The following IL17RA variants were observed in gnomAD, a reference collection of about 807,000 sequenced individuals.
IL17RA encodes the protein interleukin-17 receptor A.
IL17RA carries 34 observed loss-of-function variants against 50.4 expected under a neutral mutation model. The observed-to-expected ratio is 0.67, with a 90% CI of 0.51 to 0.90. The LOEUF is 0.90. Among genes scored for constraint, IL17RA ranks in the 40% least tolerant of loss-of-function variants. The pLI is 0.00. For synonymous variants in IL17RA, 585 were observed against 510.4 expected, an observed-to-expected ratio of 1.15 and a Z score of -1.97; for missense variants, 1,276 against 1,169.8, an observed-to-expected ratio of 1.09 and a Z score of -1.32.
intron 8 of IL17RA, among the ~76,000 whole-genome samples, chr22:17,103,778 C>T (rs1202128125): frequency 1.6e-5 from 2 of 126,210 alleles, no homozygotes; most frequent in South Asian, 2.7e-4. Flanking sequence ...GGAGTGTGCA[C>T]AGGTGGAGAG....
intron 8 of IL17RA, 122 bp from the exon 9 acceptor site, chr22:17,104,604 T>C (rs1233410768): frequency 2.3e-6 from 2 of 860,264 alleles, no homozygotes; most frequent in African/African-American, 1.7e-5. Flanking sequence ...AGGGAGATGA[T>C]GGTCACCTGG....
Position 17,111,561 on chromosome 22 carries a change from T to A in IL17RA, c.*1741T>A, listed in dbSNP as rs1461938454. 4 of 152,208 alleles carry A rather than the reference T, an allele frequency of 2.6e-5. No individual in the cohort carries two copies. The highest frequency in any genetic ancestry group is 2.6e-4 in the Admixed American group (4 of 15,284). 9.4% of individuals were successfully genotyped at this position (152,208 alleles called of 1,614,324 possible). A position where few individuals can be genotyped will look rare whatever the true frequency, so the allele number is the denominator to read the frequency against. ...CCTGAAGTACCTCCTGGGGGTAGGC[T>A]AGAGGCTTCTGGCTTCAGGGTCCTG... On this transcript the variant is annotated 3_prime_UTR_variant, in exon 13 of 13. Transcript: ENST00000319363.
intron 11 of IL17RA, among the ~76,000 whole-genome samples, chr22:17,106,732 A>T (rs1316958161): frequency 6.6e-6 from 1 of 152,102 alleles, no homozygotes; most frequent in African/African-American, 2.4e-5. Context: ...AATCATTATT[A>T]ATTATTATGT....
chr22:17,110,497 CAA>C lies in IL17RA; in HGVS notation c.*695_*696del, dbSNP rs35219112. On this transcript the variant is annotated 3_prime_UTR_variant, in exon 13 of 13. Transcript: ENST00000319363. ...TGGATGACAGAGCGAGACTCTATCT[CAA>C]AAAAAAAAAAAAAAAAAGATGGTCA... is the stretch of plus-strand genomic sequence containing the variant. 0.084 allele frequency: 9,667 copies of C among 115,532 alleles called. 566 individuals carry two copies. Among genetic ancestry groups the C allele is most frequent in the East Asian group, 0.33 (1,378 of 4,132 alleles). The allele number at this position is 115,532 out of a possible 1,614,324, so 7.2% of individuals were successfully genotyped here.
At chr22:17,099,384 G>GTT (rs1232961143) in intron 4 of IL17RA, among the ~76,000 whole-genome samples, 1 of 152,036 alleles carries the variant, frequency 6.6e-6, no homozygotes, top group Non-Finnish European at 1.5e-5. Context: ...GTTGATTCTT[G>GTT]TTTAAGTTTG....
intron 4 of IL17RA, 75 bp downstream of exon 4, chr22:17,098,962 C>A (rs907545136): frequency 2.4e-6 from 3 of 1,253,524 alleles, no homozygotes; most frequent in Non-Finnish European, 3.5e-6. Flanking sequence ...CAAATTCAGA[C>A]CCTGATTTAG....
In IL17RA at chr22:17,114,984, C is replaced by T. The variant is rs754485568; in HGVS notation, c.*5164C>T. 3 of 152,316 alleles carry T rather than the reference C, an allele frequency of 2.0e-5. No homozygotes were observed. Among genetic ancestry groups the T allele is most frequent in the Non-Finnish European group, 4.4e-5 (3 of 68,084 alleles). The allele number at this position is 152,316 out of a possible 1,614,324, so 9.4% of individuals were successfully genotyped here. ...ACAGTCAACCACGCGCTATATTTTCCTGTTCTTCCTTAGGGCAAGAACTGC... is the reference window on the plus strand; with the variant it reads ...ACAGTCAACCACGCGCTATATTTTCTTGTTCTTCCTTAGGGCAAGAACTGC... On this transcript the variant is annotated 3_prime_UTR_variant, in exon 13 of 13. Transcript: ENST00000319363.
rs2061427388 is a variant in IL17RA, at chr22:17,109,037, T to G, written c.1818T>G (p.Phe606Leu). 1 of 1,593,502 alleles carries G rather than the reference T, an allele frequency of 6.3e-7. No homozygotes were observed. Among genetic ancestry groups the G allele is most frequent in the Non-Finnish European group, 8.5e-7 (1 of 1,177,394 alleles). Reference protein sequence around the residue: ...QDAPSLDEEVFEEPLLPPGTG... With the variant: ...QDAPSLDEEVLEEPLLPPGTG... Reference sequence around the variant, plus strand: ...CCCCGTCCCTGGACGAAGAGGTGTTTGAGGAGCCACTGCTGCCTCCGGGAA... The same window carrying G: ...CCCCGTCCCTGGACGAAGAGGTGTTGGAGGAGCCACTGCTGCCTCCGGGAA... The change falls in exon 13 of 13, where the codon TTT becomes TTG. Residue 606 changes from phenylalanine (F) to leucine (L), a missense_variant. Coordinates refer to ENST00000319363, the MANE Select transcript of IL17RA (RefSeq NM_014339.7).
chr22:17,104,603 A>T, intron 8 of IL17RA, 123 bp from the exon 9 acceptor site: 2 of 856,408 alleles, frequency 2.3e-6, no homozygotes, highest in Non-Finnish European at 3.8e-6. Flanking sequence ...GAGGGAGATG[A>T]TGGTCACCTG....
chr22:17,088,648 A>G (rs1318081222), intron 1 of IL17RA, among the ~76,000 whole-genome samples: 1 of 151,792 alleles, frequency 6.6e-6, no homozygotes, highest in Non-Finnish European at 1.5e-5. Context: ...CATGATGCCC[A>G]GCTAATTTTT....
In IL17RA at chr22:17,098,773, A is replaced by G; in HGVS notation, c.311-2A>G. 1 of 1,613,256 alleles carries G rather than the reference A, an allele frequency of 6.2e-7. No individual in the cohort carries two copies. The highest frequency in any genetic ancestry group is 8.5e-7 in the Non-Finnish European group (1 of 1,179,178). On this transcript the variant is annotated splice_acceptor_variant, in intron 3 of 12. Coordinates refer to ENST00000319363, the MANE Select transcript of IL17RA (RefSeq NM_014339.7). LOFTEE classifies it high-confidence loss of function. ...TTGTCTTCTCTTCTCCCTCTCCTGC[A>G]GCCAGCATCCTGTACCTCGAGGGTG...
Position 17,110,308 on chromosome 22 carries a change from G to C in IL17RA, c.*488G>C, listed in dbSNP as rs1263077881. The C allele has an allele frequency of 5.2e-6, 1 of 190,948 alleles. No homozygotes were observed. The highest frequency in any genetic ancestry group is 1.1e-5 in the Non-Finnish European group (1 of 90,504). 11.8% of individuals were successfully genotyped at this position (190,948 alleles called of 1,614,324 possible). The stretch of plus-strand genomic sequence containing the variant: ...GAGGTCAGGAGTTTGAGCCAGCCTG[G>C]CCAACATGGTGAAACCCCATCTCCA... On this transcript the variant is annotated 3_prime_UTR_variant, in exon 13 of 13. Transcript: ENST00000319363.
At position 17,085,100 on chromosome 22, in the gene IL17RA, C is replaced by G; in HGVS notation, c.9C>G (p.Ala3=). The change falls in exon 1 of 13, where the codon GCC becomes GCG. Residue 3 remains alanine, a synonymous_variant. Coordinates refer to ENST00000319363, the MANE Select transcript of IL17RA (RefSeq NM_014339.7). The stretch of plus-strand genomic sequence containing the variant: ...GCGACGCCAGCCGGGCCATGGGGGC[C>G]GCACGCAGCCCGCCGTCCGCTGTCC... MG[A]ARSPPSAVPG... 1.5e-6 allele frequency: 2 copies of G among 1,357,988 alleles called. No homozygotes were observed. Among genetic ancestry groups the G allele is most frequent in the South Asian group, 3.4e-5 (2 of 57,986 alleles). 84.1% of individuals were successfully genotyped at this position (1,357,988 alleles called of 1,614,324 possible).
rs754989357 is a variant in IL17RA at position 17,108,750 on chromosome 22, G to A, written c.1531G>A (p.Gly511Ser). 1.7e-5 allele frequency: 27 copies of A among 1,611,458 alleles called. No individual in the cohort carries two copies. In the African/African-American group the frequency reaches 2.9e-4, roughly 18 times the overall value. The change falls in exon 13 of 13, where the codon GGC becomes AGC. Residue 511 changes from glycine (G) to serine (S), a missense_variant. Transcript: ENST00000319363. ...VCYFSEVSCD[G>S]DVPDLFGAAP... is the part of the protein sequence containing the mutation. Reference sequence around the variant, plus strand: ...CTACTTCAGCGAGGTCAGCTGTGACGGCGACGTCCCCGACCTGTTCGGCGC... The same window carrying A: ...CTACTTCAGCGAGGTCAGCTGTGACAGCGACGTCCCCGACCTGTTCGGCGC...
intron 1 of IL17RA, among the ~76,000 whole-genome samples, chr22:17,089,124 G>A (rs1003004663): frequency 2.6e-5 from 4 of 151,788 alleles, no homozygotes; most frequent in Non-Finnish European, 5.9e-5. Context: ...GTAGAGACAG[G>A]GTTTCACCAG....
intron 1 of IL17RA, among the ~76,000 whole-genome samples, chr22:17,092,299 C>A (rs940320211): frequency 2.6e-5 from 4 of 152,144 alleles, no homozygotes; most frequent in Non-Finnish European, 4.4e-5. Context: ...TTTGTGATAT[C>A]CTTAAAATAA....
At position 17,109,837 on chromosome 22, in the gene IL17RA, ACC is replaced by A. The variant is rs2061433372; in HGVS notation, c.*18_*19del. On this transcript the variant is annotated 3_prime_UTR_variant, in exon 13 of 13. Coordinates refer to ENST00000319363, the MANE Select transcript of IL17RA (RefSeq NM_014339.7). Reference sequence around the variant, plus strand: ...AGTGCATGAGGGCGGCTCCCCAGGGACCGCCCAGATCCCAGCTTTGAGAGAGG... The same window carrying A: ...AGTGCATGAGGGCGGCTCCCCAGGGAGCCCAGATCCCAGCTTTGAGAGAGG... The A allele has an allele frequency of 6.5e-7, 1 of 1,547,062 alleles. No homozygotes were observed. The highest frequency in any genetic ancestry group is 1.4e-5 in the African/African-American group (1 of 73,142).
In IL17RA at chr22:17,108,659, T is replaced by C; in HGVS notation, c.1440T>C (p.Thr480=). The C allele has an allele frequency of 1.9e-6, 3 of 1,607,530 alleles. No homozygotes were observed. Among genetic ancestry groups the C allele is most frequent in the Non-Finnish European group, 2.5e-6 (3 of 1,179,800 alleles). Residue 480 remains threonine (T), a synonymous_variant, in exon 13 of 13, where the codon ACT becomes ACC. Coordinates refer to ENST00000319363, the MANE Select transcript of IL17RA (RefSeq NM_014339.7). ...DHGKPVGDLF[T]AAMNMILPDF... is the part of the protein sequence containing the mutation. ...GAAAGCCCGTGGGGGACCTGTTCAC[T>C]GCAGCCATGAACATGATCCTCCCGG...
In IL17RA at chr22:17,111,763, T is replaced by C. The variant is rs2061443925; in HGVS notation, c.*1943T>C. 1 of 152,194 alleles carries C rather than the reference T, an allele frequency of 6.6e-6. No individual in the cohort carries two copies. The highest frequency in any genetic ancestry group is 1.5e-5 in the Non-Finnish European group (1 of 68,022). 9.4% of individuals were successfully genotyped at this position (152,194 alleles called of 1,614,324 possible). On this transcript the variant is annotated 3_prime_UTR_variant, in exon 13 of 13. Transcript: ENST00000319363. The stretch of plus-strand genomic sequence containing the variant: ...GCACACATACATGTGCGTGAAAGAT[T>C]ATCAATAAAAGTGCATAAATTTGTT...
Sources: allele counts gnomAD v4.1 joint callset (sites outside exome capture counted in the v4.1 genomes callset), GRCh38; gene constraint gnomAD v4.1.1; transcripts MANE v1.5; gene names NCBI Gene and HGNC (gene_info 2026-07-23, HGNC 2026-07-21).